Variants in FAM227B observed in about 807,000 individuals in gnomAD.
FAM227B encodes the protein protein FAM227B.
FAM227B carries 88 observed loss-of-function variants against 73.8 expected under a neutral mutation model. That is an observed-to-expected ratio of 1.19 (90% CI 1.00 to 1.42). The LOEUF (loss-of-function observed/expected upper bound fraction) is 1.42, where lower values mean the gene tolerates loss of function less well. Ranked by LOEUF, FAM227B falls within the 40% of genes most tolerant of loss-of-function variation. FAM227B has a pLI of 0.00. For missense variants in FAM227B, 632 were observed against 590.9 expected (o/e 1.07, Z -0.72); for synonymous variants, 210 against 190.5 (o/e 1.10, Z -0.84).
chr15:49,512,881 TGAG>T (rs2059113246), intron 10 of FAM227B, among the ~76,000 whole-genome samples: 1 of 152,206 alleles, frequency 6.6e-6, no homozygotes. Context: ...GTTAGTTTGC[TGAG>T]GATGATGGCT....
intron 3 of FAM227B, among the ~76,000 whole-genome samples, chr15:49,608,089 G>A (rs1032151580): frequency 1.3e-5 from 2 of 152,128 alleles, no homozygotes; most frequent in African/African-American, 4.8e-5. Context: ...TGAGCATCCA[G>A]AGTCTATGGT....
intron 11 of FAM227B, among the ~76,000 whole-genome samples, chr15:49,380,642 C>A (rs754188591): frequency 7.2e-5 from 11 of 152,116 alleles, no homozygotes; most frequent in Non-Finnish European, 1.3e-4. Flanking sequence ...AGTTTGGATT[C>A]TTTCTATGGT....
intron 11 of FAM227B, among the ~76,000 whole-genome samples, chr15:49,451,250 T>C (rs1597279884): frequency 1.3e-5 from 2 of 152,216 alleles, no homozygotes; most frequent in East Asian, 3.9e-4. Context: ...ACAGAAAGTG[T>C]GACAACTACA....
At chr15:49,518,886 A>C (rs1004747689) in intron 10 of FAM227B, among the ~76,000 whole-genome samples, 6 of 152,192 alleles carry the variant, frequency 3.9e-5, no homozygotes, top group Non-Finnish European at 7.3e-5. Context: ...TCATTCCACC[A>C]TTAACTCAAA....
intron 11 of FAM227B, chr15:49,422,602 C>T: frequency 8.4e-7 from 1 of 1,195,296 alleles, no homozygotes; most frequent in South Asian, 1.4e-5. Context: ...ACCAATACAC[C>T]AATTTTACAA....
intron 11 of FAM227B, among the ~76,000 whole-genome samples, chr15:49,374,801 C>A (rs1176251671): frequency 6.6e-6 from 1 of 152,208 alleles, no homozygotes; most frequent in Non-Finnish European, 1.5e-5. Flanking sequence ...ACCTTGGCTT[C>A]CCAAAGTGGT....
intron 11 of FAM227B, among the ~76,000 whole-genome samples, chr15:49,441,735 C>A (rs1311698612): frequency 9.9e-5 from 15 of 151,256 alleles, no homozygotes; most frequent in Non-Finnish European, 3.0e-5. Context: ...AATTCTTATT[C>A]TTTATTACAC....
intron 13 of FAM227B, among the ~76,000 whole-genome samples, chr15:49,358,061 T>C (rs2043488202): frequency 6.6e-6 from 1 of 152,084 alleles, no homozygotes; most frequent in African/African-American, 2.4e-5. Context: ...AAGCTATCAA[T>C]AAATTAGGTA....
rs188355908 is a variant in FAM227B at position 49,553,509 on chromosome 15, T to G, written c.748-11703A>C. On this transcript the variant is annotated intron_variant, in intron 9 of 15. Transcript: ENST00000299338. ...GCCAGCCAGGCCTGTGTCCTTCCCT[T>G]CAGGGTGGCGAGGTTCCCCAGGCCC... Among the ~76,000 whole-genome samples, 12 of 152,304 alleles carry G rather than the reference T, an allele frequency of 7.9e-5. No homozygotes were observed. In the East Asian group the frequency reaches 1.7e-3, roughly 22 times the overall value.
At chr15:49,422,123 A>C (rs2049696532) in intron 11 of FAM227B, among the ~76,000 whole-genome samples, 1 of 135,352 alleles carries the variant, frequency 7.4e-6, no homozygotes, top group Non-Finnish European at 1.6e-5. Context: ...TTTCACATAG[A>C]GAGAGAGAGA....
intron 9 of FAM227B, among the ~76,000 whole-genome samples, chr15:49,545,813 T>C (rs971424982): frequency 1.3e-5 from 2 of 152,146 alleles, no homozygotes; most frequent in Non-Finnish European, 2.9e-5. Flanking sequence ...AGGGTTCCTT[T>C]TGGAGTAATT....
intron 11 of FAM227B, among the ~76,000 whole-genome samples, chr15:49,418,750 A>G (rs2049387691): frequency 6.6e-6 from 1 of 152,102 alleles, no homozygotes; most frequent in Admixed American, 6.6e-5. Context: ...CTGTATAACA[A>G]ATCTGCACAT....
chr15:49,612,104 T>A (rs1027538243), intron 2 of FAM227B, among the ~76,000 whole-genome samples: 4 of 152,062 alleles, frequency 2.6e-5, no homozygotes, highest in Non-Finnish European at 2.9e-5. Context: ...TATTTTTTTT[T>A]ATTATACTTT....
At chr15:49,365,272 G>T (rs761468059) in intron 13 of FAM227B, 15 of 1,376,328 alleles carry the variant, frequency 1.1e-5, no homozygotes, top group Non-Finnish European at 1.6e-5. Flanking sequence ...TAATAAGTGT[G>T]CAAGTTACTA....
intron 11 of FAM227B, among the ~76,000 whole-genome samples, chr15:49,465,269 A>G (rs71467682): frequency 0.098 from 14,853 of 151,000 alleles, 1,005 homozygotes; most frequent in East Asian, 0.3. Flanking sequence ...AGGTGGGATT[A>G]CAGGCACCTG....
intron 13 of FAM227B, among the ~76,000 whole-genome samples, chr15:49,361,328 C>T (rs1737251278): frequency 6.6e-6 from 1 of 151,886 alleles, no homozygotes; most frequent in Non-Finnish European, 1.5e-5. Context: ...ATTTGTTGTA[C>T]TGATTATTTC....
intron 11 of FAM227B, among the ~76,000 whole-genome samples, chr15:49,472,079 A>G (rs1278928599): frequency 1.3e-5 from 2 of 152,168 alleles, no homozygotes; most frequent in African/African-American, 2.4e-5. Flanking sequence ...TGTTGAAAAT[A>G]AGACTTGTCT....
intron 5 of FAM227B, among the ~76,000 whole-genome samples, chr15:49,581,606 C>T (rs568870823): frequency 6.6e-5 from 10 of 152,046 alleles, no homozygotes; most frequent in African/African-American, 1.7e-4. Flanking sequence ...CGTGAGCCAC[C>T]GTACCCAGAT....
chr15:49,494,255 A>AC (rs1491126753), intron 11 of FAM227B, among the ~76,000 whole-genome samples: 213 of 76,308 alleles, frequency 2.8e-3, no homozygotes, highest in African/African-American at 6.3e-3. Flanking sequence ...GGAGACACAC[A>AC]AACACACACA....
Sources: gnomAD v4.1 joint callset for allele counts (sites outside exome capture counted in the v4.1 genomes callset) on GRCh38, gnomAD v4.1.1 for gene constraint, MANE v1.5 for transcripts, NCBI Gene and HGNC (gene_info 2026-07-23, HGNC 2026-07-21) for gene names.